BPIFB1: variants seen among roughly 807,000 people sequenced by gnomAD.
The protein encoded by BPIFB1 is BPI fold-containing family B member 1.
BPIFB1 carries 34 observed loss-of-function variants against 55.1 expected under a neutral mutation model. That is an observed-to-expected ratio of 0.62 (90% CI 0.47 to 0.82). BPIFB1 has a LOEUF of 0.82. Ranked by LOEUF, BPIFB1 falls within the 40% of genes least tolerant of loss-of-function variation. The pLI is 0.00. For missense variants in BPIFB1, 532 were observed against 593.1 expected (o/e 0.90, Z 1.07); for synonymous variants, 236 against 245.3 (o/e 0.96, Z 0.35).
intron 6 of BPIFB1, 152 bp from the exon 7 acceptor site, chr20:33,297,373 A>G (rs1357301371): frequency 3.9e-6 from 3 of 771,392 alleles, no homozygotes; most frequent in African/African-American, 1.7e-5. Flanking sequence ...TGGGTTCAAC[A>G]CACGAATGAA....
chr20:33,284,621 A>G (rs1980206122), intron 1 of BPIFB1, among the ~76,000 whole-genome samples: 1 of 152,172 alleles, frequency 6.6e-6, no homozygotes, highest in South Asian at 2.1e-4. Context: ...TCTTTGGCAA[A>G]AAGAAATCCA....
intron 9 of BPIFB1, 32 bp downstream of exon 9, chr20:33,301,444 C>T (rs367627868): frequency 7.1e-5 from 113 of 1,588,672 alleles, no homozygotes; most frequent in Non-Finnish European, 9.1e-5. Flanking sequence ...AGAATAGGGC[C>T]GCCCAGGCCA....
intron 8 of BPIFB1, among the ~76,000 whole-genome samples, chr20:33,300,478 G>A (rs546634036): frequency 1.3e-5 from 2 of 152,364 alleles, no homozygotes; most frequent in East Asian, 3.9e-4. Context: ...GACCAGAAGT[G>A]CCCAGTAACT....
chr20:33,294,960 A>G (rs1441999606), intron 6 of BPIFB1, among the ~76,000 whole-genome samples: 3 of 152,242 alleles, frequency 2.0e-5, no homozygotes, highest in Admixed American at 6.5e-5. Flanking sequence ...CACATCTGTA[A>G]TCCCAGCACT....
chr20:33,308,899 TACAC>T (rs1313477615), intron 15 of BPIFB1, among the ~76,000 whole-genome samples: 4 of 144,218 alleles, frequency 2.8e-5, no homozygotes, highest in South Asian at 2.2e-4. Context: ...CACACATACA[TACAC>T]ACACATACAC....
At chr20:33,286,874 G>T (rs566689115) in intron 2 of BPIFB1, among the ~76,000 whole-genome samples, 1 of 152,186 alleles carries the variant, frequency 6.6e-6, no homozygotes, top group African/African-American at 2.4e-5. Flanking sequence ...TCTCTTAGGG[G>T]ACAAAATCAT....
chr20:33,289,513 A>G (rs968570129), intron 3 of BPIFB1, among the ~76,000 whole-genome samples: 2 of 152,190 alleles, frequency 1.3e-5, no homozygotes, highest in East Asian at 3.8e-4. Context: ...CCAGGAGACA[A>G]GAAGCAAATG....
Position 33,288,731 on chromosome 20 carries a change from C to A in BPIFB1, c.116-10C>A. The A allele has an allele frequency of 6.2e-7, 1 of 1,612,544 alleles. No individual in the cohort carries two copies. The highest frequency in any genetic ancestry group is 8.5e-7 in the Non-Finnish European group (1 of 1,179,380). ...CCTCCTGGGCCCTAATCCCTGGGGT[C>A]TGCCTCCAGAGCTGACACAGGAGCT... is the stretch of plus-strand genomic sequence containing the variant. On this transcript the variant is annotated splice_polypyrimidine_tract_variant and intron_variant, in intron 2 of 15. Coordinates refer to ENST00000253354, the MANE Select transcript of BPIFB1 (RefSeq NM_033197.3).
chr20:33,283,676 G>A (rs1980170656), intron 1 of BPIFB1, among the ~76,000 whole-genome samples: 1 of 152,140 alleles, frequency 6.6e-6, no homozygotes, highest in Admixed American at 6.5e-5. Flanking sequence ...AAGGGATCCT[G>A]GAAGAGGTGA....
At position 33,293,499 on chromosome 20, in the gene BPIFB1, G is replaced by T. The variant is rs574021447; in HGVS notation, c.597+1511G>T. On this transcript the variant is annotated intron_variant, in intron 6 of 15. Coordinates refer to ENST00000253354, the MANE Select transcript of BPIFB1 (RefSeq NM_033197.3). ...TCCAGCAAATCCTTTTTTAAATAAT[G>T]TGATTTTATTAAGAGTACTTTAAAA... Among the ~76,000 whole-genome samples the T allele has an allele frequency of 3.2e-4, 49 of 152,248 alleles. 1 individual carries two copies. Among genetic ancestry groups the T allele is most frequent in the African/African-American group, 1.2e-3 (49 of 41,540 alleles).
At chr20:33,306,793 G>T (rs982635500) in intron 14 of BPIFB1, 118 bp from the exon 15 acceptor site, 2 of 812,656 alleles carry the variant, frequency 2.5e-6, no homozygotes, top group Non-Finnish European at 2.2e-6. Context: ...CAGAGGCAGA[G>T]GGGGCTGTCT....
Position 33,304,014 on chromosome 20 carries a change from GA to G in BPIFB1, c.1199del (p.Asn400IlefsTer10). The G allele has an allele frequency of 6.2e-7, 1 of 1,612,954 alleles. No individual in the cohort carries two copies. The highest frequency in any genetic ancestry group is 1.7e-4 in the Middle Eastern group (1 of 6,056). ...AAGGTGACCAACTTATACTCAACTT[GA>G]ATAACATCAGGTAAACACACAAATC... ...TKGDQLILNL[N>X]NISSDRIQLM... On this transcript the variant is annotated frameshift_variant, in exon 12 of 16. Coordinates refer to ENST00000253354, the MANE Select transcript of BPIFB1 (RefSeq NM_033197.3). LOFTEE classifies it high-confidence loss of function.
chr20:33,292,357 C>G (rs1402373909), intron 6 of BPIFB1, among the ~76,000 whole-genome samples: 2 of 152,124 alleles, frequency 1.3e-5, no homozygotes, highest in Non-Finnish European at 2.9e-5. Context: ...TGTCACTGAA[C>G]AGAGTTGGGA....
chr20:33,309,731 C>T lies in BPIFB1; in HGVS notation c.1419C>T (p.Ala473=), dbSNP rs1343347207. ...AGGATGCCCTTGTGCTTACTCCAGC[C>T]TCCTTGTGGAAACCCAGCTCTCCTG... ...LTKDALVLTP[A]SLWKPSSPVS... is the part of the protein sequence containing the mutation. Residue 473 remains alanine, a synonymous_variant, in exon 16 of 16, where the codon GCC becomes GCT. Coordinates refer to ENST00000253354, the MANE Select transcript of BPIFB1 (RefSeq NM_033197.3). The surrounding 1 kb of genome is among the most constrained non-coding windows in gnomAD (Gnocchi z 4.4). 1 of 1,614,176 alleles carries T rather than the reference C, an allele frequency of 6.2e-7. No individual in the cohort carries two copies. Among genetic ancestry groups the T allele is most frequent in the Non-Finnish European group, 8.5e-7 (1 of 1,179,988 alleles).
chr20:33,289,032 C>T, intron 3 of BPIFB1, 150 bp downstream of exon 3: 1 of 944,728 alleles, frequency 1.1e-6, no homozygotes, highest in Non-Finnish European at 1.5e-6. Flanking sequence ...TCAAGAAGCT[C>T]CCAGAATAGT....
chr20:33,307,592 G>GT (rs1568655250), intron 15 of BPIFB1: 2 of 154,010 alleles, frequency 1.3e-5, no homozygotes, highest in Non-Finnish European at 2.9e-5. Context: ...GAGGGACAGC[G>GT]TATTAGGCCG....
intron 2 of BPIFB1, among the ~76,000 whole-genome samples, chr20:33,286,458 G>C (rs929804885): frequency 1.3e-5 from 2 of 152,238 alleles, no homozygotes; most frequent in Non-Finnish European, 2.9e-5. Context: ...TGCATGCAGT[G>C]ATGCAGCTGC....
At chr20:33,286,846 T>C (rs1980282864) in intron 2 of BPIFB1, among the ~76,000 whole-genome samples, 1 of 152,228 alleles carries the variant, frequency 6.6e-6, no homozygotes. Flanking sequence ...CAAAAAGGTC[T>C]CCAGACATTG....
chr20:33,287,023 C>T (rs992518578), intron 2 of BPIFB1, among the ~76,000 whole-genome samples: 2 of 152,162 alleles, frequency 1.3e-5, no homozygotes, highest in African/African-American at 4.8e-5. Flanking sequence ...GCCAGAGGGG[C>T]AGGGGCAGGT....
Sources: allele counts gnomAD v4.1 joint callset (sites outside exome capture counted in the v4.1 genomes callset), GRCh38; gene constraint gnomAD v4.1.1; non-coding constraint Gnocchi (gnomAD v3.1); transcripts MANE v1.5; gene names NCBI Gene and HGNC (gene_info 2026-07-23, HGNC 2026-07-21).